Variants in CPSF2 observed in about 807,000 individuals in gnomAD.
The protein encoded by CPSF2 is cleavage and polyadenylation specific factor 2, also known as cleavage and polyadenylation specificity factor subunit 2.
Under a neutral mutation model 84.2 loss-of-function variants are expected in CPSF2, and 51 were observed. The ratio of observed to expected loss-of-function variants is 0.61; its 90% CI spans 0.48 to 0.77. The LOEUF is 0.77. CPSF2 is among the 30% of genes least tolerant of loss of function. The pLI, the probability that CPSF2 is intolerant of heterozygous loss-of-function variation, is 0.00. For missense variants in CPSF2, 641 were observed against 929.4 expected, an observed-to-expected ratio of 0.69 and a Z score of 4.03; for synonymous variants, 286 against 311.9, an observed-to-expected ratio of 0.92 and a Z score of 0.87.
rs190902675 is a variant in CPSF2 at position 92,155,033 on chromosome 14, T to C, written c.1242-90T>C. 7,081 of 821,778 alleles carry C rather than the reference T, an allele frequency of 8.6e-3. 47 individuals are homozygous for C. Among genetic ancestry groups the C allele is most frequent in the Non-Finnish European group, 0.012 (6,223 of 517,664 alleles). The allele number at this position is 821,778 out of a possible 1,614,324, so 50.9% of individuals were successfully genotyped here. ...ATCATTTAATATTGAATTAATAATA[T>C]TGAGTATGGATTCAGTAATAAATTG... On this transcript the variant is annotated intron_variant, in intron 10 of 15. Transcript: ENST00000298875.
intron 9 of CPSF2, among the ~76,000 whole-genome samples, chr14:92,153,556 C>T (rs2069248332): frequency 6.6e-6 from 1 of 151,978 alleles, no homozygotes; most frequent in Non-Finnish European, 1.5e-5. Flanking sequence ...TTTTCTTTTC[C>T]TGATTGGTGA....
chr14:92,127,187 GTAAA>G (rs777190272), intron 2 of CPSF2, among the ~76,000 whole-genome samples: 4 of 152,158 alleles, frequency 2.6e-5, no homozygotes, highest in Admixed American at 6.6e-5. Context: ...GACAAAGCAA[GTAAA>G]TAAATAAGTA....
rs1248487503 is a variant in CPSF2 at position 92,166,288 on chromosome 14, C to T, written c.*4544C>T. ...AGATTTACACTCTTTTTTTTTCTAA[C>T]AGTTTTACAGTTTAGGCTCTTATCA... is the stretch of plus-strand genomic sequence containing the variant. On this transcript the variant is annotated 3_prime_UTR_variant, in exon 16 of 16. Transcript: ENST00000298875. 2.0e-5 allele frequency: 3 copies of T among 151,612 alleles called. No individual in the cohort carries two copies. Among genetic ancestry groups the T allele is most frequent in the African/African-American group, 7.3e-5 (3 of 41,280 alleles). 9.4% of individuals were successfully genotyped at this position (151,612 alleles called of 1,614,324 possible).
At position 92,159,295 on chromosome 14, in the gene CPSF2, T is replaced by A. The variant is rs370568331; in HGVS notation, c.2121+13T>A. 3.0e-5 allele frequency: 46 copies of A among 1,547,844 alleles called. No homozygotes were observed. Among genetic ancestry groups the A allele is most frequent in the Non-Finnish European group, 3.9e-5 (45 of 1,146,102 alleles). On this transcript the variant is annotated intron_variant, in intron 14 of 15. Coordinates refer to ENST00000298875, the MANE Select transcript of CPSF2 (RefSeq NM_017437.3). Reference sequence around the variant, plus strand: ...GCCACCTCATGAGGTAAAAAAAGCATGTGCTTTTTTGATTTCTTCCTGAAT... The same window carrying A: ...GCCACCTCATGAGGTAAAAAAAGCAAGTGCTTTTTTGATTTCTTCCTGAAT...
chr14:92,134,383 T>G (rs1246027476), intron 5 of CPSF2, 28 bp downstream of exon 5: 1 of 1,430,420 alleles, frequency 7.0e-7, no homozygotes, highest in African/African-American at 1.4e-5. Flanking sequence ...TAGTAAGTAT[T>G]TAGATGAATG....
chr14:92,142,751 C>T (rs1030834088), intron 8 of CPSF2, among the ~76,000 whole-genome samples: 3 of 152,024 alleles, frequency 2.0e-5, no homozygotes, highest in Non-Finnish European at 4.4e-5. Flanking sequence ...GAACATATAC[C>T]TTGCCTTTTC....
chr14:92,129,561 C>T (rs534596231), intron 2 of CPSF2, among the ~76,000 whole-genome samples: 1 of 152,228 alleles, frequency 6.6e-6, no homozygotes, highest in Non-Finnish European at 1.5e-5. Context: ...TTCTCTCCTA[C>T]TTGCATAGTT....
intron 7 of CPSF2, among the ~76,000 whole-genome samples, chr14:92,138,584 C>T (rs1199204728): frequency 2.0e-5 from 3 of 152,046 alleles, no homozygotes; most frequent in Non-Finnish European, 4.4e-5. Flanking sequence ...TGTGCACCAC[C>T]ACGCCCAGCT....
chr14:92,163,428 A>C lies in CPSF2; in HGVS notation c.*1684A>C, dbSNP rs1204410820. On this transcript the variant is annotated 3_prime_UTR_variant, in exon 16 of 16. Coordinates refer to ENST00000298875, the MANE Select transcript of CPSF2 (RefSeq NM_017437.3). The stretch of plus-strand genomic sequence containing the variant: ...GTATGTTTTCTTTTTAGTGCTTTGG[A>C]AAAATTTCACTTAAACTCTTATTAC... 3.3e-5 allele frequency: 5 copies of C among 152,748 alleles called. No individual in the cohort carries two copies. Among genetic ancestry groups the C allele is most frequent in the African/African-American group, 1.2e-4 (5 of 41,570 alleles). 9.5% of individuals were successfully genotyped at this position (152,748 alleles called of 1,614,324 possible).
chr14:92,130,716 T>A (rs1038797274), intron 2 of CPSF2, among the ~76,000 whole-genome samples: 2 of 152,160 alleles, frequency 1.3e-5, no homozygotes, highest in African/African-American at 2.4e-5. Flanking sequence ...ACTAAAGGGC[T>A]CATTGTGTCT....
At chr14:92,136,117 C>T (rs2068995692) in intron 6 of CPSF2, among the ~76,000 whole-genome samples, 1 of 152,208 alleles carries the variant, frequency 6.6e-6, no homozygotes, top group Admixed American at 6.5e-5. Flanking sequence ...TATGATTTTA[C>T]ACACTTCATG....
chr14:92,135,342 G>T, intron 5 of CPSF2, 25 bp from the exon 6 acceptor site: 1 of 1,575,130 alleles, frequency 6.3e-7, no homozygotes, highest in South Asian at 1.2e-5. Context: ...AAAGAAATCT[G>T]AGTATTGTTA....
At chr14:92,124,088 C>T (rs767366664) in intron 1 of CPSF2, among the ~76,000 whole-genome samples, 1 of 152,170 alleles carries the variant, frequency 6.6e-6, no homozygotes, top group Non-Finnish European at 1.5e-5. Context: ...CTTTGAGAAG[C>T]TTTAGCATAC....
At chr14:92,149,147 C>T (rs28606999) in intron 9 of CPSF2, among the ~76,000 whole-genome samples, 15,023 of 152,194 alleles carry the variant, frequency 0.099, 827 homozygotes, top group East Asian at 0.15. Context: ...TGCCTTTTCA[C>T]TGTGCCTACA....
rs1020640861 is a variant in CPSF2 at position 92,157,229 on chromosome 14, C to T, written c.1596-430C>T. On this transcript the variant is annotated intron_variant, in intron 12 of 15. Transcript: ENST00000298875. This position sits in a 1 kb window ranked among gnomAD's most constrained non-coding sequence, Gnocchi z 4.0. ...AAAATCTAAATAATACAGATAGGGC[C>T]GGGCACGGTGGCTGATGCCTGTAAT... Among the ~76,000 whole-genome samples the T allele has an allele frequency of 5.9e-5, 9 of 151,826 alleles. No homozygotes were observed. Among genetic ancestry groups the T allele is most frequent in the Non-Finnish European group, 1.0e-4 (7 of 67,912 alleles).
chr14:92,134,499 CTT>C lies in CPSF2; in HGVS notation c.415+145_415+146del, dbSNP rs1354023228. 17 of 596,268 alleles carry C rather than the reference CTT, an allele frequency of 2.9e-5. No individual in the cohort carries two copies. In the South Asian group the frequency reaches 3.6e-4, roughly 13 times the overall value. The allele number at this position is 596,268 out of a possible 1,614,324, so 36.9% of individuals were successfully genotyped here. A position where few individuals can be genotyped will look rare whatever the true frequency, so the allele number is the denominator to read the frequency against. On this transcript the variant is annotated intron_variant, in intron 5 of 15. Coordinates refer to ENST00000298875, the MANE Select transcript of CPSF2 (RefSeq NM_017437.3). ...GCACATTCTGCCTTGATACAGAACT[CTT>C]AACTTCCATTTGAATTTTAAAATAT...
chr14:92,142,501 G>T, intron 8 of CPSF2, 150 bp downstream of exon 8: 1 of 587,234 alleles, frequency 1.7e-6, no homozygotes. Context: ...ACTGTCCTGT[G>T]TGCTTTAAAT....
chr14:92,165,874 T>TTTTTTTTTTTTTTTTTTTTTG lies in CPSF2; in HGVS notation c.*4135_*4136insTTTTTTTTTTTTTTTGTTTTT, dbSNP rs2069439975. On this transcript the variant is annotated 3_prime_UTR_variant, in exon 16 of 16. Coordinates refer to ENST00000298875, the MANE Select transcript of CPSF2 (RefSeq NM_017437.3). ...TATATCTTTTTTTTTTTTTTTTTTTTTTTTTGAGATGGAGTCTTGCTTTGT... is the reference window on the plus strand; with the variant it reads ...TATATCTTTTTTTTTTTTTTTTTTTTTTTTTTTTTTTTTTTTTTTTGTTTTTGAGATGGAGTCTTGCTTTGT... 1 of 131,480 alleles carries TTTTTTTTTTTTTTTTTTTTTG rather than the reference T, an allele frequency of 7.6e-6. No homozygotes were observed. The highest frequency in any genetic ancestry group is 1.6e-5 in the Non-Finnish European group (1 of 63,146). 8.1% of individuals were successfully genotyped at this position (131,480 alleles called of 1,614,324 possible). A position where few individuals can be genotyped will look rare whatever the true frequency, so the allele number is the denominator to read the frequency against.
In CPSF2 at chr14:92,164,063, C is replaced by G. The variant is rs571654488; in HGVS notation, c.*2319C>G. On this transcript the variant is annotated 3_prime_UTR_variant, in exon 16 of 16. Transcript: ENST00000298875. ...GATGGTTTTGTAAGGGAATTTTCCC[C>G]CTTTGCTTGGCACTTCTTCCTGCTG... 1.3e-5 allele frequency: 2 copies of G among 152,838 alleles called. No homozygotes were observed. The highest frequency in any genetic ancestry group is 4.8e-5 in the African/African-American group (2 of 41,460). The allele number at this position is 152,838 out of a possible 1,614,324, so 9.5% of individuals were successfully genotyped here. A position where few individuals can be genotyped will look rare whatever the true frequency, so the allele number is the denominator to read the frequency against.
Sources: allele counts gnomAD v4.1 joint callset (sites outside exome capture counted in the v4.1 genomes callset), GRCh38; gene constraint gnomAD v4.1.1; non-coding constraint Gnocchi (gnomAD v3.1); transcripts MANE v1.5; gene names NCBI Gene and HGNC (gene_info 2026-07-23, HGNC 2026-07-21).